Variants in MCF2L observed in about 807,000 individuals in gnomAD.
MCF2L encodes guanine nucleotide exchange factor DBS.
A neutral mutation model predicts 153.4 loss-of-function variants in MCF2L; 97 were observed. That is an observed-to-expected ratio of 0.63 (90% CI 0.54 to 0.75). The LOEUF is 0.75. Among genes scored for constraint, MCF2L ranks in the 30% least tolerant of loss-of-function variants. The pLI, the probability that MCF2L is intolerant of heterozygous loss-of-function variation, is 0.00. For missense variants in MCF2L, 1,347 were observed against 1,495.2 expected (o/e 0.90, Z 1.64); for synonymous variants, 659 against 632.2 (o/e 1.04, Z -0.64).
intron 15 of MCF2L, among the ~76,000 whole-genome samples, chr13:113,080,708 G>T (rs1375629853): frequency 6.6e-6 from 1 of 152,210 alleles, no homozygotes; most frequent in Non-Finnish European, 1.5e-5. Flanking sequence ...CGTGGGCAGG[G>T]GGCAGCTCCG....
chr13:113,003,914 G>A (rs1007155103), intron 1 of MCF2L, among the ~76,000 whole-genome samples: 2 of 152,220 alleles, frequency 1.3e-5, no homozygotes, highest in Non-Finnish European at 2.9e-5. Flanking sequence ...GTCTGTCCTC[G>A]GGCCCAGAGG....
intron 2 of MCF2L, among the ~76,000 whole-genome samples, chr13:112,959,517 C>T (rs2081798627): frequency 6.6e-6 from 1 of 152,076 alleles, no homozygotes; most frequent in Non-Finnish European, 1.5e-5. Flanking sequence ...GGAGGGTCAT[C>T]CTGGGGGGAG....
At chr13:113,076,834 C>CT (rs2033533468) in intron 12 of MCF2L, among the ~76,000 whole-genome samples, 1 of 152,246 alleles carries the variant, frequency 6.6e-6, no homozygotes, top group African/African-American at 2.4e-5. Flanking sequence ...TGGAGCTGCC[C>CT]TTTCCCGAGG....
At chr13:113,030,983 G>A (rs72661996) in intron 3 of MCF2L, among the ~76,000 whole-genome samples, 32,054 of 152,072 alleles carry the variant, frequency 0.21, 4,297 homozygotes, top group South Asian at 0.34. Flanking sequence ...TATGGAGGGC[G>A]TACAGGGCAG....
Position 112,904,762 on chromosome 13 carries a change from C to T in MCF2L, c.169+2391C>T, listed in dbSNP as rs1004087471. 6.6e-6 allele frequency among the ~76,000 whole-genome samples: 1 copy of T among 152,360 alleles called. No individual in the cohort carries two copies. Among genetic ancestry groups the T allele is most frequent in the Non-Finnish European group, 1.5e-5 (1 of 68,036 alleles). ...CGTGGACTGCGGCCTGCGGGAGAAC[C>T]GCACTCGGCTCTCAGGCCCTGCCTG... On this transcript the variant is annotated intron_variant, in intron 2 of 29. Coordinates refer to the MCF2L transcript ENST00000375608. The surrounding 1 kb of genome is among the most constrained non-coding windows in gnomAD (Gnocchi z 4.2).
intron 2 of MCF2L, among the ~76,000 whole-genome samples, chr13:112,944,910 G>C (rs1232697715): frequency 2.6e-5 from 4 of 152,130 alleles, no homozygotes; most frequent in Non-Finnish European, 5.9e-5. Context: ...CGTGGGCCCA[G>C]TGTTCATGGT....
chr13:112,950,679 G>C (rs1258765362), intron 2 of MCF2L, among the ~76,000 whole-genome samples: 2 of 152,160 alleles, frequency 1.3e-5, no homozygotes, highest in African/African-American at 4.8e-5. Context: ...TCCACAGGGA[G>C]ACAAAAGAAC....
chr13:112,963,103 C>A (rs1165490344), intron 2 of MCF2L, among the ~76,000 whole-genome samples: 2 of 152,122 alleles, frequency 1.3e-5, no homozygotes, highest in East Asian at 3.9e-4. Flanking sequence ...GTCATGGCAG[C>A]CTTCTCTCAT....
At chr13:112,979,109 G>A (rs770111238) in intron 1 of MCF2L, among the ~76,000 whole-genome samples, 4 of 152,240 alleles carry the variant, frequency 2.6e-5, no homozygotes, top group Non-Finnish European at 5.9e-5. Flanking sequence ...CGAGGAGCTC[G>A]GCAGCAGACG....
intron 1 of MCF2L, 100 bp from the exon 2 acceptor site, chr13:113,014,663 G>A: frequency 1.1e-6 from 1 of 916,036 alleles, no homozygotes; most frequent in Non-Finnish European, 1.8e-6. Flanking sequence ...ACTCCCGTAG[G>A]TGCCTGTGGA....
chr13:112,910,787 T>G (rs79487125), intron 2 of MCF2L, among the ~76,000 whole-genome samples: 3,124 of 152,364 alleles, frequency 0.021, 111 homozygotes, highest in African/African-American at 0.07. Flanking sequence ...AGTGGAGAGC[T>G]CTTCTCGCCT....
chr13:112,990,787 G>T (rs924934612), intron 1 of MCF2L, among the ~76,000 whole-genome samples: 5 of 152,228 alleles, frequency 3.3e-5, no homozygotes, highest in African/African-American at 9.6e-5. Context: ...GCCAGGCCAG[G>T]CCCAATGCTG....
intron 2 of MCF2L, chr13:112,956,703 T>TGAC (rs1231514360): frequency 1.3e-5 from 2 of 152,230 alleles, no homozygotes; most frequent in Non-Finnish European, 2.9e-5. Flanking sequence ...GCCACATAGG[T>TGAC]GACGCCCTGC....
chr13:112,953,624 G>A (rs988003997), intron 2 of MCF2L, among the ~76,000 whole-genome samples: 1 of 152,344 alleles, frequency 6.6e-6, no homozygotes, highest in African/African-American at 2.4e-5. Flanking sequence ...ACCTGTGGCC[G>A]GTGGTTCTAG....
At chr13:113,089,545 A>C in intron 25 of MCF2L, 65 bp from the exon 26 acceptor site, 1 of 1,068,216 alleles carries the variant, frequency 9.4e-7, no homozygotes, top group Non-Finnish European at 1.4e-6. Flanking sequence ...TCAGGTCCTC[A>C]GGGCGTTCTG....
rs1190456256 is a variant in MCF2L, at chr13:113,074,126, G to C, written c.997-318G>C. On this transcript the variant is annotated intron_variant, in intron 9 of 29. Transcript: ENST00000535094. The surrounding 1 kb of genome is among the most constrained non-coding windows in gnomAD (Gnocchi z 4.2). ...TTCGGCTCCCAGGGCCTTTGTCCTT[G>C]CGTGATCTCATCTTCTCCTCATGCT... Among the ~76,000 whole-genome samples, 1 of 152,090 alleles carries C rather than the reference G, an allele frequency of 6.6e-6. No homozygotes were observed. The highest frequency in any genetic ancestry group is 1.5e-5 in the Non-Finnish European group (1 of 68,012).
chr13:113,042,591 G>C (rs528595561), intron 3 of MCF2L: 3 of 152,200 alleles, frequency 2.0e-5, no homozygotes, highest in Non-Finnish European at 2.9e-5. Context: ...TGGCTGCAGC[G>C]TCAGCCTGCA....
In MCF2L at chr13:112,941,959, C is replaced by T. The variant is rs1448056906; in HGVS notation, c.169+39588C>T. On this transcript the variant is annotated intron_variant, in intron 2 of 29. Transcript: ENST00000375608. The surrounding 1 kb of genome is among the most constrained non-coding windows in gnomAD (Gnocchi z 4.9). Reference sequence around the variant, plus strand: ...AGAGGGCTCTTTGGTCTAGCGGTAACGCCAGCATCTGGGAAGACGCCCGTT... The same window carrying T: ...AGAGGGCTCTTTGGTCTAGCGGTAATGCCAGCATCTGGGAAGACGCCCGTT... 2.6e-5 allele frequency among the ~76,000 whole-genome samples: 4 copies of T among 152,206 alleles called. No individual in the cohort carries two copies. The highest frequency in any genetic ancestry group is 2.1e-4 in the South Asian group (1 of 4,836).
At chr13:113,032,895 C>A (rs960022092) in intron 3 of MCF2L, among the ~76,000 whole-genome samples, 4 of 152,222 alleles carry the variant, frequency 2.6e-5, no homozygotes, top group Non-Finnish European at 5.9e-5. Context: ...GGCTTCCTGG[C>A]CCCTGTGATG....
Sources: gnomAD v4.1 joint callset for allele counts (sites outside exome capture counted in the v4.1 genomes callset) on GRCh38, gnomAD v4.1.1 for gene constraint, Gnocchi (gnomAD v3.1) non-coding constraint, MANE v1.5 for transcripts, NCBI Gene and HGNC (gene_info 2026-07-23, HGNC 2026-07-21) for gene names.